Variants in CAMSAP1 observed in about 807,000 individuals in gnomAD.
CAMSAP1 encodes calmodulin-regulated spectrin-associated protein 1.
Under a neutral mutation model 143.5 loss-of-function variants are expected in CAMSAP1, and 58 were observed. The ratio of observed to expected loss-of-function variants is 0.40; its 90% CI spans 0.33 to 0.50. CAMSAP1 has a LOEUF of 0.50. Ranked by LOEUF, CAMSAP1 falls within the 20% of genes least tolerant of loss-of-function variation. The pLI is 0.45. For synonymous variants in CAMSAP1, 945 were observed against 859.3 expected (o/e 1.10, Z -1.74); for missense variants, 1,969 against 2,115.7 (o/e 0.93, Z 1.36).
intron 3 of CAMSAP1, among the ~76,000 whole-genome samples, chr9:135,870,464 A>G (rs1247019362): frequency 6.6e-6 from 1 of 152,114 alleles, no homozygotes; most frequent in Non-Finnish European, 1.5e-5. Flanking sequence ...GCAGTGTGAA[A>G]ACAGATTAAT....
chr9:135,824,525 C>T lies in CAMSAP1; in HGVS notation c.1315+264G>A, dbSNP rs1411137322. Among the ~76,000 whole-genome samples the T allele has an allele frequency of 6.6e-6, 1 of 152,052 alleles. No homozygotes were observed. The highest frequency in any genetic ancestry group is 1.5e-5 in the Non-Finnish European group (1 of 68,014). On this transcript the variant is annotated intron_variant, in intron 9 of 16. Transcript: ENST00000389532. This position sits in a 1 kb window ranked among gnomAD's most constrained non-coding sequence, Gnocchi z 4.1. Reference sequence around the variant, plus strand: ...ACTAAAAATACAAAAATTAACTGAGCATGGTGGCATGCGCCTATAATCCCA... The same window carrying T: ...ACTAAAAATACAAAAATTAACTGAGTATGGTGGCATGCGCCTATAATCCCA...
In CAMSAP1 at chr9:135,818,131, G is replaced by A. The variant is rs1389409559; in HGVS notation, c.4169-52C>T. The A allele has an allele frequency of 6.4e-6, 10 of 1,562,210 alleles. No homozygotes were observed. Among genetic ancestry groups the A allele is most frequent in the African/African-American group, 2.7e-5 (2 of 74,022 alleles). On this transcript the variant is annotated intron_variant, in intron 13 of 16. Coordinates refer to ENST00000389532, the MANE Select transcript of CAMSAP1 (RefSeq NM_015447.4). This position sits in a 1 kb window ranked among gnomAD's most constrained non-coding sequence, Gnocchi z 7.7. The stretch of plus-strand genomic sequence containing the variant: ...TTCATGAACGGATTCCGACAGACAA[G>A]TACCTGTCCCCTGTACCTGTTCCCC...
At chr9:135,819,446 C>T (rs914924138) in intron 11 of CAMSAP1, among the ~76,000 whole-genome samples, 6 of 152,090 alleles carry the variant, frequency 3.9e-5, no homozygotes, top group African/African-American at 1.4e-4. Flanking sequence ...TTCCTGTAAT[C>T]CCAGCACTTT....
chr9:135,825,658 C>G (rs1239755285), intron 8 of CAMSAP1, among the ~76,000 whole-genome samples: 4 of 152,222 alleles, frequency 2.6e-5, no homozygotes. Flanking sequence ...CAGGCACCAG[C>G]TCCCCGAGAA....
intron 3 of CAMSAP1, among the ~76,000 whole-genome samples, chr9:135,878,923 G>A (rs1837841075): frequency 1.3e-5 from 2 of 152,114 alleles, no homozygotes; most frequent in Admixed American, 1.3e-4. Context: ...AATAATGCAT[G>A]AGAAAAAAGA....
chr9:135,811,250 A>T lies in CAMSAP1; in HGVS notation c.*59T>A. ...GACCCCGTGGCACCCTCTGGATGCC[A>T]GCCACAAGGGCATCATTTACGAGTC... On this transcript the variant is annotated 3_prime_UTR_variant, in exon 17 of 17. Coordinates refer to ENST00000389532, the MANE Select transcript of CAMSAP1 (RefSeq NM_015447.4). The surrounding 1 kb of genome is among the most constrained non-coding windows in gnomAD (Gnocchi z 4.9). 6.4e-7 allele frequency: 1 copy of T among 1,553,888 alleles called. No homozygotes were observed. The highest frequency in any genetic ancestry group is 8.7e-7 in the Non-Finnish European group (1 of 1,146,238).
chr9:135,821,358 G>A lies in CAMSAP1; in HGVS notation c.3303C>T (p.Ser1101=), dbSNP rs200971914. The A allele has an allele frequency of 2.2e-5, 36 of 1,613,736 alleles. No homozygotes were observed. Among genetic ancestry groups the A allele is most frequent in the South Asian group, 3.3e-5 (3 of 91,084 alleles). Residue 1101 remains serine, a synonymous_variant, in exon 11 of 17, where the codon TCC becomes TCT. Transcript: ENST00000389532. The surrounding 1 kb of genome is among the most constrained non-coding windows in gnomAD (Gnocchi z 4.6). ...GGACCTTCAGCTCCGCCGGCCTTCC[G>A]GAACGGGAATTCCGGCCTTGACCCA... The part of the protein sequence containing the change: ...PRLGQGRNSR[S]GRPAELKVPK...
chr9:135,850,790 G>T (rs1006840824), intron 5 of CAMSAP1, among the ~76,000 whole-genome samples: 1 of 152,214 alleles, frequency 6.6e-6, no homozygotes. Context: ...CACGTAGCGA[G>T]TAAATGTTGA....
At chr9:135,886,188 G>T (rs1838115728) in intron 1 of CAMSAP1, among the ~76,000 whole-genome samples, 1 of 152,132 alleles carries the variant, frequency 6.6e-6, no homozygotes, top group Non-Finnish European at 1.5e-5. Flanking sequence ...GTACCCATGT[G>T]AGCCAGAAAA....
At chr9:135,848,521 A>G (rs931719187) in intron 7 of CAMSAP1, among the ~76,000 whole-genome samples, 5 of 150,896 alleles carry the variant, frequency 3.3e-5, no homozygotes, top group Admixed American at 3.3e-4. Context: ...ACACACACAC[A>G]CGCTCACACA....
Position 135,882,749 on chromosome 9 carries a change from G to A in CAMSAP1, c.423+67C>T. The A allele has an allele frequency of 2.7e-6, 4 of 1,501,324 alleles. No individual in the cohort carries two copies. The highest frequency in any genetic ancestry group is 3.6e-6 in the Non-Finnish European group (4 of 1,123,632). 93.0% of individuals were successfully genotyped at this position (1,501,324 alleles called of 1,614,324 possible). On this transcript the variant is annotated intron_variant, in intron 2 of 16. Transcript: ENST00000389532. This position sits in a 1 kb window ranked among gnomAD's most constrained non-coding sequence, Gnocchi z 4.9. ...CGTGTTCACACCATCCATGCACCAG[G>A]TGCGCCACACGAGAGCCCACGGCTC...
chr9:135,905,319 T>C (rs924615155), intron 1 of CAMSAP1, among the ~76,000 whole-genome samples: 5 of 152,120 alleles, frequency 3.3e-5, no homozygotes, highest in African/African-American at 1.2e-4. Flanking sequence ...CTAAATGCAA[T>C]GAAATAAAAA....
chr9:135,824,654 A>C lies in CAMSAP1; in HGVS notation c.1315+135T>G. 1 of 682,846 alleles carries C rather than the reference A, an allele frequency of 1.5e-6. No homozygotes were observed. Among genetic ancestry groups the C allele is most frequent in the Non-Finnish European group, 2.4e-6 (1 of 421,434 alleles). 42.3% of individuals were successfully genotyped at this position (682,846 alleles called of 1,614,324 possible). On this transcript the variant is annotated intron_variant, in intron 9 of 16. Transcript: ENST00000389532. The surrounding 1 kb of genome is among the most constrained non-coding windows in gnomAD (Gnocchi z 4.1). Reference sequence around the variant, plus strand: ...CACTTCAGCCTGGTGACAGAGCAAGACTCCATCTCAAAAAACAAACAAACA... The same window carrying C: ...CACTTCAGCCTGGTGACAGAGCAAGCCTCCATCTCAAAAAACAAACAAACA...
chr9:135,840,041 C>T (rs1025796162), intron 7 of CAMSAP1, among the ~76,000 whole-genome samples: 1 of 152,196 alleles, frequency 6.6e-6, no homozygotes, highest in Non-Finnish European at 1.5e-5. Context: ...ATGGCACCGT[C>T]CTGGAGAAGA....
chr9:135,866,676 A>G (rs1837390034), intron 3 of CAMSAP1, 140 bp from the exon 4 acceptor site: 1 of 587,456 alleles, frequency 1.7e-6, no homozygotes, highest in Non-Finnish European at 3.1e-6. Flanking sequence ...CCAATTACAC[A>G]GATACAGAAG....
intron 7 of CAMSAP1, among the ~76,000 whole-genome samples, chr9:135,837,565 GCACT>G (rs1225536867): frequency 7.0e-6 from 1 of 142,110 alleles, no homozygotes. Flanking sequence ...ACATCATCAC[GCACT>G]TTCTACCGGT....
chr9:135,878,736 C>T (rs115829214), intron 3 of CAMSAP1, among the ~76,000 whole-genome samples: 1,736 of 152,232 alleles, frequency 0.011, 30 homozygotes, highest in African/African-American at 0.04. Flanking sequence ...CCTACACACC[C>T]GGGCATTCAC....
At chr9:135,853,594 T>C (rs759719556) in intron 5 of CAMSAP1, among the ~76,000 whole-genome samples, 3 of 152,236 alleles carry the variant, frequency 2.0e-5, no homozygotes, top group Non-Finnish European at 4.4e-5. Flanking sequence ...CCAAGAGAAA[T>C]AGAAAAGCCG....
At chr9:135,856,482 G>A (rs946819952) in intron 5 of CAMSAP1, among the ~76,000 whole-genome samples, 9 of 152,184 alleles carry the variant, frequency 5.9e-5, no homozygotes, top group African/African-American at 1.9e-4. Flanking sequence ...GGGACACAGA[G>A]CCAAACCTTA....
Sources: allele counts gnomAD v4.1 joint callset (sites outside exome capture counted in the v4.1 genomes callset), GRCh38; gene constraint gnomAD v4.1.1; non-coding constraint Gnocchi (gnomAD v3.1); transcripts MANE v1.5; gene names NCBI Gene and HGNC (gene_info 2026-07-23, HGNC 2026-07-21).